KATNIP: variants seen among roughly 807,000 people sequenced by gnomAD.
KATNIP encodes katanin interacting protein, also known as katanin-interacting protein.
Under a neutral mutation model 174.0 loss-of-function variants are expected in KATNIP, and 126 were observed. The ratio of observed to expected loss-of-function variants is 0.72; its 90% CI spans 0.63 to 0.84. KATNIP has a LOEUF of 0.84. Among genes scored for constraint, KATNIP ranks in the 40% least tolerant of loss-of-function variants. KATNIP has a pLI of 0.00. For synonymous variants in KATNIP, 810 were observed against 835.7 expected, an observed-to-expected ratio of 0.97 and a Z score of 0.53; for missense variants, 1,958 against 2,109.7, an observed-to-expected ratio of 0.93 and a Z score of 1.41.
chr16:27,655,025 A>C (rs1397591229), intron 6 of KATNIP, among the ~76,000 whole-genome samples: 1 of 151,454 alleles, frequency 6.6e-6, no homozygotes, highest in African/African-American at 2.4e-5. Context: ...GGTACTTGAG[A>C]AACTGAGGCC....
intron 6 of KATNIP, among the ~76,000 whole-genome samples, chr16:27,667,921 G>C (rs1438028050): frequency 6.6e-6 from 1 of 152,092 alleles, no homozygotes; most frequent in East Asian, 1.9e-4. Flanking sequence ...AACTCACCTG[G>C]GGACACAGGG....
At chr16:27,674,542 C>G (rs1797063474) in intron 6 of KATNIP, among the ~76,000 whole-genome samples, 1 of 152,206 alleles carries the variant, frequency 6.6e-6, no homozygotes, top group Admixed American at 6.5e-5. Context: ...CTGACCTCTG[C>G]TTCCATTCTT....
intron 6 of KATNIP, chr16:27,669,292 C>T (rs891660015): frequency 7.1e-6 from 7 of 985,352 alleles, no homozygotes; most frequent in Non-Finnish European, 8.4e-6. Flanking sequence ...TTTGTATCAG[C>T]GTCCGTCCCT....
chr16:27,707,727 G>T (rs2079378804), intron 12 of KATNIP, among the ~76,000 whole-genome samples: 2 of 152,246 alleles, frequency 1.3e-5, no homozygotes, highest in Non-Finnish European at 1.5e-5. Flanking sequence ...CAAGATCAAG[G>T]TGTTGGCAGG....
intron 6 of KATNIP, among the ~76,000 whole-genome samples, chr16:27,650,240 G>A (rs1431662109): frequency 1.3e-5 from 2 of 151,992 alleles, no homozygotes; most frequent in Admixed American, 6.6e-5. Flanking sequence ...AGCAGCAAGC[G>A]TGCAACGGCA....
At chr16:27,599,999 G>A (rs945752844) in intron 2 of KATNIP, among the ~76,000 whole-genome samples, 3 of 152,156 alleles carry the variant, frequency 2.0e-5, no homozygotes, top group Non-Finnish European at 2.9e-5. Context: ...CCTCTGCAGC[G>A]AAGCTTCACC....
chr16:27,718,432 C>G (rs2143013723), intron 13 of KATNIP: 1 of 152,350 alleles, frequency 6.6e-6, no homozygotes. Flanking sequence ...GGGCAGCTTC[C>G]CATCAGCCTT....
intron 21 of KATNIP, among the ~76,000 whole-genome samples, chr16:27,771,328 T>C (rs1261887127): frequency 6.6e-6 from 1 of 152,040 alleles, no homozygotes; most frequent in Non-Finnish European, 1.5e-5. Flanking sequence ...CCTAGGGTTG[T>C]GTTGAGGAAT....
chr16:27,571,331 C>T (rs538315345), intron 1 of KATNIP, among the ~76,000 whole-genome samples: 1 of 152,252 alleles, frequency 6.6e-6, no homozygotes, highest in Admixed American at 6.5e-5. Flanking sequence ...CCACGACTGG[C>T]CACATTAATG....
At chr16:27,632,680 G>A (rs887738883) in intron 5 of KATNIP, 71 of 452,932 alleles carry the variant, frequency 1.6e-4, no homozygotes, top group African/African-American at 1.3e-3. Context: ...CAGGCAGGCT[G>A]GTTGGGAGGG....
intron 1 of KATNIP, among the ~76,000 whole-genome samples, chr16:27,561,702 GTA>G (rs1295613813): frequency 2.6e-5 from 4 of 152,172 alleles, no homozygotes; most frequent in Non-Finnish European, 4.4e-5. Flanking sequence ...TGGTGTGTGT[GTA>G]TGTGTGTGTG....
chr16:27,674,025 C>T (rs2078017748), intron 6 of KATNIP, among the ~76,000 whole-genome samples: 1 of 152,148 alleles, frequency 6.6e-6, no homozygotes, highest in African/African-American at 2.4e-5. Context: ...GTGGCTCATA[C>T]CTGTAGTCCC....
intron 10 of KATNIP, 180 bp from the exon 11 acceptor site, chr16:27,701,409 A>G (rs2079093498): frequency 3.7e-6 from 2 of 540,042 alleles, no homozygotes; most frequent in Non-Finnish European, 6.8e-6. Flanking sequence ...GGAAGCTGAG[A>G]TGGTGTGAGG....
intron 2 of KATNIP, among the ~76,000 whole-genome samples, chr16:27,613,535 T>A (rs2075957168): frequency 1.3e-5 from 2 of 152,130 alleles, no homozygotes; most frequent in Admixed American, 6.5e-5. Flanking sequence ...ACCCATAATA[T>A]ATTAACGGTC....
In KATNIP at chr16:27,777,775, G is replaced by A; in HGVS notation, c.4712+5G>A. On this transcript the variant is annotated splice_donor_5th_base_variant and intron_variant, in intron 26 of 27. Transcript: ENST00000261588. This position sits in a 1 kb window ranked among gnomAD's most constrained non-coding sequence, Gnocchi z 4.4. ...GGAGAAACACACCACCATCAGGTAGGGCCCCAGCCGGCCCCATGGCCTCCC... is the reference window on the plus strand; with the variant it reads ...GGAGAAACACACCACCATCAGGTAGAGCCCCAGCCGGCCCCATGGCCTCCC... 6.2e-7 allele frequency: 1 copy of A among 1,612,842 alleles called. No individual in the cohort carries two copies. The highest frequency in any genetic ancestry group is 8.5e-7 in the Non-Finnish European group (1 of 1,179,182).
chr16:27,754,694 GC>G (rs2081648471), intron 18 of KATNIP: 1 of 155,750 alleles, frequency 6.4e-6, no homozygotes, highest in African/African-American at 2.4e-5. Flanking sequence ...CATCCACTCT[GC>G]CCCGGGGGTG....
intron 5 of KATNIP, among the ~76,000 whole-genome samples, chr16:27,641,021 C>T (rs2076777950): frequency 8.6e-5 from 13 of 152,004 alleles, no homozygotes; most frequent in Admixed American, 8.5e-4. Flanking sequence ...GTCTGTAATC[C>T]CAGCTACTCG....
intron 6 of KATNIP, among the ~76,000 whole-genome samples, chr16:27,669,972 G>C (rs1258982938): frequency 1.3e-5 from 2 of 152,040 alleles, no homozygotes; most frequent in East Asian, 3.9e-4. Flanking sequence ...ACAGGCATGA[G>C]CCACTGCGCC....
chr16:27,607,788 A>C (rs756716651), intron 2 of KATNIP, among the ~76,000 whole-genome samples: 1 of 152,000 alleles, frequency 6.6e-6, no homozygotes, highest in African/African-American at 2.4e-5. Flanking sequence ...TATATTTTCA[A>C]TAGAGATAGG....
Sources: gnomAD v4.1 joint callset for allele counts (sites outside exome capture counted in the v4.1 genomes callset) on GRCh38, gnomAD v4.1.1 for gene constraint, Gnocchi (gnomAD v3.1) non-coding constraint, MANE v1.5 for transcripts, NCBI Gene and HGNC (gene_info 2026-07-23, HGNC 2026-07-21) for gene names.